MAP7: variants seen among roughly 807,000 people sequenced by gnomAD.
MAP7 encodes microtubule associated protein 7.
A neutral mutation model predicts 94.8 loss-of-function variants in MAP7; 52 were observed. The observed-to-expected ratio is 0.55, with a 90% confidence interval of 0.44 to 0.69. The LOEUF is 0.69. Ranked by LOEUF, MAP7 falls within the 30% of genes least tolerant of loss-of-function variation. The pLI is 0.00. For missense variants in MAP7, 940 were observed against 964.6 expected (o/e 0.97, Z 0.34); for synonymous variants, 350 against 357.0 (o/e 0.98, Z 0.22).
intron 1 of MAP7, chr6:136,526,433 A>C (rs148995629): frequency 2.5e-5 from 25 of 987,564 alleles, no homozygotes; most frequent in Middle Eastern, 5.2e-4. Context: ...ACCACACAGT[A>C]AAATATTCAG....
intron 1 of MAP7, among the ~76,000 whole-genome samples, chr6:136,506,164 A>C (rs1460331401): frequency 6.6e-6 from 1 of 152,196 alleles, no homozygotes; most frequent in South Asian, 2.1e-4. Flanking sequence ...ATCTCAATTC[A>C]ACACATCTTG....
At chr6:136,438,755 T>C (rs931075430) in intron 1 of MAP7, among the ~76,000 whole-genome samples, 2 of 152,186 alleles carry the variant, frequency 1.3e-5, no homozygotes, top group African/African-American at 4.8e-5. Context: ...ACAGAATTTC[T>C]AGAACCAAGA....
At chr6:136,349,911 A>G (rs1788685985) in intron 16 of MAP7, among the ~76,000 whole-genome samples, 1 of 152,148 alleles carries the variant, frequency 6.6e-6, no homozygotes, top group South Asian at 2.1e-4. Context: ...GCTGCTAGGA[A>G]AAGTAATGTT....
intron 1 of MAP7, among the ~76,000 whole-genome samples, chr6:136,539,413 T>C (rs1162727040): frequency 6.6e-6 from 1 of 152,216 alleles, no homozygotes; most frequent in Admixed American, 6.5e-5. Flanking sequence ...GTGTTAGTTT[T>C]GAGCTTCAGA....
At chr6:136,353,675 C>A (rs1000525483) in intron 16 of MAP7, among the ~76,000 whole-genome samples, 9 of 152,032 alleles carry the variant, frequency 5.9e-5, no homozygotes, top group Admixed American at 5.9e-4. Flanking sequence ...CACCTCAGCC[C>A]CCCAAGTAGC....
chr6:136,494,658 T>C (rs1345782648), intron 1 of MAP7, among the ~76,000 whole-genome samples: 1 of 152,112 alleles, frequency 6.6e-6, no homozygotes, highest in African/African-American at 2.4e-5. Context: ...CTACAACTAA[T>C]CCACAGGGAT....
chr6:136,451,239 G>A (rs555576047), intron 1 of MAP7, among the ~76,000 whole-genome samples: 1 of 152,250 alleles, frequency 6.6e-6, no homozygotes, highest in Non-Finnish European at 1.5e-5. Context: ...TGTTTCTGTA[G>A]ACATGTATTA....
rs76837385 is a variant in MAP7 at position 136,459,895 on chromosome 6, C to T, written c.68-38096G>A. On this transcript the variant is annotated intron_variant, in intron 1 of 17. Coordinates refer to ENST00000354570, the MANE Select transcript of MAP7 (RefSeq NM_003980.6). ...ATATTTAAGAGGGCAGATCTCATGT[C>T]AAGTATTTTTACCACAATGAACAAA... 0.012 allele frequency among the ~76,000 whole-genome samples: 1,868 copies of T among 152,134 alleles called. 61 individuals are homozygous for T. In the East Asian group the frequency reaches 0.14, roughly 11 times the overall value.
chr6:136,430,138 A>G (rs1034875002), intron 1 of MAP7, among the ~76,000 whole-genome samples: 13 of 152,234 alleles, frequency 8.5e-5, no homozygotes, highest in African/African-American at 2.2e-4. Flanking sequence ...GACCCAATTC[A>G]ATTAAAATCA....
At chr6:136,513,445 T>A (rs1823839897) in intron 1 of MAP7, among the ~76,000 whole-genome samples, 1 of 152,248 alleles carries the variant, frequency 6.6e-6, no homozygotes, top group Non-Finnish European at 1.5e-5. Flanking sequence ...GTTCAAGTTT[T>A]ATCATGGAAT....
At chr6:136,429,687 T>C (rs572463875) in intron 1 of MAP7, among the ~76,000 whole-genome samples, 1 of 152,326 alleles carries the variant, frequency 6.6e-6, no homozygotes, top group Non-Finnish European at 1.5e-5. Context: ...TCGATTCACA[T>C]CACAAATGCT....
chr6:136,518,624 A>G (rs1306975981), intron 1 of MAP7, among the ~76,000 whole-genome samples: 2 of 152,192 alleles, frequency 1.3e-5, no homozygotes, highest in Admixed American at 1.3e-4. Flanking sequence ...GAGAATTAAG[A>G]TGGAGTCTCT....
At chr6:136,363,344 C>G (rs1489897667) in intron 10 of MAP7, among the ~76,000 whole-genome samples, 1 of 152,186 alleles carries the variant, frequency 6.6e-6, no homozygotes, top group Non-Finnish European at 1.5e-5. Context: ...AGCTGGTGCC[C>G]CAGAAGCCCC....
chr6:136,428,128 C>A (rs1793744431), intron 1 of MAP7, among the ~76,000 whole-genome samples: 1 of 152,194 alleles, frequency 6.6e-6, no homozygotes, highest in African/African-American at 2.4e-5. Context: ...CAGAGACACG[C>A]AGGTCTTTGT....
intron 1 of MAP7, among the ~76,000 whole-genome samples, chr6:136,535,221 G>C (rs905602649): frequency 6.6e-6 from 1 of 152,068 alleles, no homozygotes; most frequent in African/African-American, 2.4e-5. Flanking sequence ...CATAAGGTCT[G>C]GTTGTTTAAA....
intron 2 of MAP7, chr6:136,420,297 T>C: frequency 1.3e-6 from 1 of 799,182 alleles, no homozygotes; most frequent in Non-Finnish European, 2.2e-6. Flanking sequence ...AGAGGGACCT[T>C]GGTGCTGCCT....
At chr6:136,549,858 A>T (rs1293644263) in intron 1 of MAP7, among the ~76,000 whole-genome samples, 1 of 151,754 alleles carries the variant, frequency 6.6e-6, no homozygotes, top group Non-Finnish European at 1.5e-5. Flanking sequence ...CCCCACACCG[A>T]CCCCGCTGAG....
At chr6:136,477,674 A>G (rs1489503908) in intron 1 of MAP7, among the ~76,000 whole-genome samples, 1 of 152,242 alleles carries the variant, frequency 6.6e-6, no homozygotes, top group Non-Finnish European at 1.5e-5. Context: ...AGCAAATGTT[A>G]GAGCTAAAGA....
At chr6:136,477,187 G>A (rs1157420397) in intron 1 of MAP7, among the ~76,000 whole-genome samples, 4 of 152,164 alleles carry the variant, frequency 2.6e-5, no homozygotes, top group Non-Finnish European at 4.4e-5. Flanking sequence ...AAATCAACAT[G>A]TGCCTCCTGA....
Sources: gnomAD v4.1 joint callset for allele counts (sites outside exome capture counted in the v4.1 genomes callset) on GRCh38, gnomAD v4.1.1 for gene constraint, MANE v1.5 for transcripts, NCBI Gene and HGNC (gene_info 2026-07-23, HGNC 2026-07-21) for gene names.